The following FIGNL2 variants were observed in gnomAD, a reference collection of about 807,000 sequenced individuals.
FIGNL2 encodes fidgetin-like protein 2.
For synonymous variants in FIGNL2, 565 were observed against 484.0 expected (o/e 1.17, Z -2.20); for missense variants, 1,060 against 950.2 (o/e 1.12, Z -1.52).
In FIGNL2 at chr12:51,842,300, C is replaced by T. The variant is rs181203701; in HGVS notation, c.-12+6240G>A. ...CACAGTGTGCCTGGAAAGGAAGCCCCTTCCTAGAGGAGTGAGGACCCAGCC... is the reference window on the plus strand; with the variant it reads ...CACAGTGTGCCTGGAAAGGAAGCCCTTTCCTAGAGGAGTGAGGACCCAGCC... On this transcript the variant is annotated intron_variant, in intron 1 of 1. Transcript: ENST00000618634. 1.5e-3 allele frequency among the ~76,000 whole-genome samples: 222 copies of T among 152,324 alleles called. 3 individuals are homozygous for T. Among genetic ancestry groups the T allele is most frequent in the Non-Finnish European group, 2.4e-4 (16 of 68,026 alleles).
chr12:51,821,425 A>AG lies in FIGNL2; in HGVS notation c.988dup (p.Leu330ProfsTer17). 1 of 1,538,814 alleles carries AG rather than the reference A, an allele frequency of 6.5e-7. No individual in the cohort carries two copies. The highest frequency in any genetic ancestry group is 8.7e-7 in the Non-Finnish European group (1 of 1,145,254). On this transcript the variant is annotated frameshift_variant, in exon 2 of 2. Coordinates refer to ENST00000618634, the MANE Select transcript of FIGNL2 (RefSeq NM_001384995.1). LOFTEE classifies it low-confidence loss of function (END_TRUNC). ...GTAGACGGGGGAGCCCAGGACCTTG[A>AG]GGGGGACGCCGCCACCGTACTTGCC...
intron 1 of FIGNL2, among the ~76,000 whole-genome samples, chr12:51,845,080 C>A (rs935511777): frequency 6.6e-6 from 1 of 152,174 alleles, no homozygotes; most frequent in African/African-American, 2.4e-5. Context: ...TGTCAATTAA[C>A]GGAAGTGCAT....
chr12:51,841,011 G>T (rs1939651668), intron 1 of FIGNL2, among the ~76,000 whole-genome samples: 1 of 152,212 alleles, frequency 6.6e-6, no homozygotes, highest in Non-Finnish European at 1.5e-5. Context: ...CCCCCACAGG[G>T]CCAGGCCTTA....
intron 1 of FIGNL2, among the ~76,000 whole-genome samples, chr12:51,843,743 CT>C (rs1479216021): frequency 6.6e-6 from 1 of 152,080 alleles, no homozygotes. Context: ...TGCCCACCCC[CT>C]GTCTGCCCTG....
rs1038235604 is a variant in FIGNL2, at chr12:51,817,909, C to T, written c.*2543G>A. The T allele has an allele frequency of 4.6e-5, 7 of 152,528 alleles. No homozygotes were observed. The highest frequency in any genetic ancestry group is 7.3e-5 in the Non-Finnish European group (5 of 68,046). 9.4% of individuals were successfully genotyped at this position (152,528 alleles called of 1,614,324 possible). A position where few individuals can be genotyped will look rare whatever the true frequency, so the allele number is the denominator to read the frequency against. The stretch of plus-strand genomic sequence containing the variant: ...AAATCTTCTGCAAACCACATGTCAT[C>T]GCTTTAATACTGTGTAATACTTTCT... On this transcript the variant is annotated 3_prime_UTR_variant, in exon 2 of 2. Transcript: ENST00000618634.
rs1431300027 is a variant in FIGNL2 at position 51,821,647 on chromosome 12, G to A, written c.767C>T (p.Ala256Val). The change falls in exon 2 of 2, where the codon GCG becomes GTG. Residue 256 changes from alanine (A) to valine (V), a missense_variant. Ala to Val is a moderately conservative substitution (Grantham distance 64). Coordinates refer to ENST00000618634, the MANE Select transcript of FIGNL2 (RefSeq NM_001384995.1). ...PPTAYGFPTA[A>V]PGAESGLSLK... ...CGACAGCCCGGATTCGGCACCCGGC[G>A]CGGCCGTGGGGAAGCCATAGGCGGT... 3 of 1,473,530 alleles carry A rather than the reference G, an allele frequency of 2.0e-6. No individual in the cohort carries two copies. The highest frequency in any genetic ancestry group is 2.3e-4 in the Middle Eastern group (1 of 4,358). The allele number at this position is 1,473,530 out of a possible 1,614,324, so 91.3% of individuals were successfully genotyped here.
chr12:51,831,185 A>C (rs888159492), intron 1 of FIGNL2, among the ~76,000 whole-genome samples: 11 of 152,220 alleles, frequency 7.2e-5, no homozygotes, highest in Admixed American at 1.3e-4. Context: ...ATAGATTAAA[A>C]AAATAAGGTC....
In FIGNL2 at chr12:51,834,730, C is replaced by A. The variant is rs779255734; in HGVS notation, c.-11-12306G>T. On this transcript the variant is annotated intron_variant, in intron 1 of 1. Transcript: ENST00000618634. ...GCACAGATATCCCTGCCTGTGTCCG[C>A]GGTCAGGGCCACAGCCAAGCTGTGA... Among the ~76,000 whole-genome samples the A allele has an allele frequency of 2.6e-5, 4 of 152,352 alleles. No individual in the cohort carries two copies. In the South Asian group the frequency reaches 8.3e-4, roughly 32 times the overall value.
intron 1 of FIGNL2, among the ~76,000 whole-genome samples, chr12:51,835,161 A>G (rs1050502204): frequency 5.3e-5 from 8 of 150,872 alleles, no homozygotes; most frequent in Non-Finnish European, 1.2e-4. Flanking sequence ...CTCCTGCCCA[A>G]CCCTCCCCCA....
In FIGNL2 at chr12:51,848,615, C is replaced by A; in HGVS notation, c.-87G>T. On this transcript the variant is annotated 5_prime_UTR_variant, in exon 1 of 2. Transcript: ENST00000618634. ...TCCGGCCCGGGGACCGGGGCGGCGG[C>A]GCGGGCCGGGGGCGACAGGCCTGGG... 2 of 866,900 alleles carry A rather than the reference C, an allele frequency of 2.3e-6. No homozygotes were observed. Among genetic ancestry groups the A allele is most frequent in the Non-Finnish European group, 1.4e-6 (1 of 722,542 alleles). The allele number at this position is 866,900 out of a possible 1,614,324, so 53.7% of individuals were successfully genotyped here.
chr12:51,822,299 G>C lies in FIGNL2; in HGVS notation c.115C>G (p.Arg39Gly). ...GCCCAAGCGTAGTGGCAGCGTTGGC[G>C]ACCCCCAGGGGGCAACTCCAACTTG... is the stretch of plus-strand genomic sequence containing the variant. Reference protein sequence around the residue: ...AHKLELPPGGRQRCHYAWAHD... With the variant: ...AHKLELPPGGGQRCHYAWAHD... The change falls in exon 2 of 2, where the codon CGC (arginine) becomes GGC (glycine). Residue 39 changes from arginine (R) to glycine (G), a missense_variant. Physicochemically the swap from Arg to Gly is moderately radical, Grantham distance 125 (BLOSUM62 -2). Transcript: ENST00000618634. The C allele has an allele frequency of 6.2e-7, 1 of 1,611,900 alleles. No individual in the cohort carries two copies. Among genetic ancestry groups the C allele is most frequent in the Non-Finnish European group, 8.5e-7 (1 of 1,179,180 alleles).
rs757808380 is a variant in FIGNL2 at position 51,821,643 on chromosome 12, C to T, written c.771G>A (p.Pro257=). Residue 257 remains proline, a synonymous_variant, in exon 2 of 2, where the codon CCG becomes CCA. Coordinates refer to ENST00000618634, the MANE Select transcript of FIGNL2 (RefSeq NM_001384995.1). ...PTAYGFPTAA[P]GAESGLSLKR... is the part of the protein sequence containing the mutation. Reference sequence around the variant, plus strand: ...TCAGCGACAGCCCGGATTCGGCACCCGGCGCGGCCGTGGGGAAGCCATAGG... The same window carrying T: ...TCAGCGACAGCCCGGATTCGGCACCTGGCGCGGCCGTGGGGAAGCCATAGG... 10 of 1,475,262 alleles carry T rather than the reference C, an allele frequency of 6.8e-6. No individual in the cohort carries two copies. Among genetic ancestry groups the T allele is most frequent in the South Asian group, 2.6e-5 (2 of 77,092 alleles). The allele number at this position is 1,475,262 out of a possible 1,614,324, so 91.4% of individuals were successfully genotyped here.
intron 1 of FIGNL2, among the ~76,000 whole-genome samples, chr12:51,827,585 A>G (rs1939371100): frequency 6.6e-6 from 1 of 152,180 alleles, no homozygotes; most frequent in South Asian, 2.1e-4. Context: ...TGAGGATTTA[A>G]AGATAATGTA....
At chr12:51,844,796 G>A in intron 1 of FIGNL2, 1 of 985,406 alleles carries the variant, frequency 1.0e-6, no homozygotes, top group Non-Finnish European at 1.2e-6. Flanking sequence ...GACCAGCCCA[G>A]ACCCTGACCC....
intron 1 of FIGNL2, among the ~76,000 whole-genome samples, chr12:51,843,458 G>A (rs1168639973): frequency 6.6e-6 from 1 of 151,252 alleles, no homozygotes; most frequent in Admixed American, 6.6e-5. Context: ...TGAGGCATGA[G>A]AATTGCTTGA....
At chr12:51,830,777 A>G (rs993851873) in intron 1 of FIGNL2, among the ~76,000 whole-genome samples, 1 of 151,922 alleles carries the variant, frequency 6.6e-6, no homozygotes, top group African/African-American at 2.4e-5. Flanking sequence ...GGCATGAGCC[A>G]CCACACCCGG....
chr12:51,844,747 G>C, intron 1 of FIGNL2: 2 of 985,284 alleles, frequency 2.0e-6, no homozygotes, highest in Non-Finnish European at 2.4e-6. Context: ...AAAAAAAGCT[G>C]GACAGCCTCT....
At chr12:51,834,012 A>AATGGATGGATGGATGGATGGATGGATGG (rs1229120315) in intron 1 of FIGNL2, among the ~76,000 whole-genome samples, 1 of 16,984 alleles carries the variant, frequency 5.9e-5, no homozygotes, top group East Asian at 2.3e-3. Flanking sequence ...TGGACAGACA[A>AATGGATGGATGGATGGATGGATGGATGG]ATGGACGGAT....
Position 51,820,251 on chromosome 12 carries a change from C to T in FIGNL2, c.*201G>A. The T allele has an allele frequency of 1.5e-6, 1 of 666,320 alleles. No homozygotes were observed. Among genetic ancestry groups the T allele is most frequent in the South Asian group, 2.0e-5 (1 of 50,798 alleles). 41.3% of individuals were successfully genotyped at this position (666,320 alleles called of 1,614,324 possible). A position where few individuals can be genotyped will look rare whatever the true frequency, so the allele number is the denominator to read the frequency against. ...ACAATAAATAGGAAAAACCTGAGTA[C>T]ACGGCGCATATGGCATCTGCCTGGC... On this transcript the variant is annotated 3_prime_UTR_variant, in exon 2 of 2. Transcript: ENST00000618634.
Sources: gnomAD v4.1 joint callset for allele counts (sites outside exome capture counted in the v4.1 genomes callset) on GRCh38, gnomAD v4.1.1 for gene constraint, MANE v1.5 for transcripts, NCBI Gene and HGNC (gene_info 2026-07-23, HGNC 2026-07-21) for gene names.